Variants in RHBG observed in about 807,000 individuals in gnomAD.
The protein encoded by RHBG is Rh family B glycoprotein, also known as ammonium transporter Rh type B.
A neutral mutation model predicts 40.1 loss-of-function variants in RHBG; 39 were observed. The ratio of observed to expected loss-of-function variants is 0.97; its 90% CI spans 0.75 to 1.27. The LOEUF is 1.27. Ranked by LOEUF, RHBG falls within the 50% of genes most tolerant of loss-of-function variation. RHBG has a pLI of 0.00. For synonymous variants in RHBG, 237 were observed against 252.5 expected, an observed-to-expected ratio of 0.94 and a Z score of 0.58; for missense variants, 549 against 588.1, an observed-to-expected ratio of 0.93 and a Z score of 0.69.
chr1:156,371,964 T>C (rs1360930462), intron 1 of RHBG: 2 of 152,284 alleles, frequency 1.3e-5, no homozygotes, highest in African/African-American at 4.8e-5. Flanking sequence ...TGGATACTGT[T>C]GTGGGGGAAG....
intron 8 of RHBG, among the ~76,000 whole-genome samples, chr1:156,383,828 ATTTTTTTTTT>A (rs58771195): frequency 2.0e-5 from 2 of 101,834 alleles, no homozygotes; most frequent in Admixed American, 1.2e-4. Context: ...CGCCCGGCCT[ATTTTTTTTTT>A]TTTTTTTTTT....
chr1:156,382,333 T>C (rs1383770795), intron 7 of RHBG, 132 bp downstream of exon 7: 54 of 1,476,410 alleles, frequency 3.7e-5, no homozygotes, highest in Middle Eastern at 3.9e-4. Context: ...GCAAAGGAAA[T>C]TGGAGTTAAC....
intron 1 of RHBG, among the ~76,000 whole-genome samples, chr1:156,376,326 C>T (rs1272914017): frequency 6.6e-6 from 1 of 151,662 alleles, no homozygotes; most frequent in East Asian, 1.9e-4. Flanking sequence ...TTCCTTTTCT[C>T]TGAGGTCATC....
chr1:156,380,659 G>A (rs1030519467), intron 4 of RHBG, among the ~76,000 whole-genome samples: 8 of 145,416 alleles, frequency 5.5e-5, no homozygotes, highest in African/African-American at 2.1e-4. Flanking sequence ...CTGGGAGGCA[G>A]AGATTGCAGT....
intron 1 of RHBG, among the ~76,000 whole-genome samples, chr1:156,370,855 C>G (rs1666807190): frequency 6.6e-6 from 1 of 152,020 alleles, no homozygotes; most frequent in African/African-American, 2.4e-5. Flanking sequence ...CACCTGCCTG[C>G]TGACAAGTTT....
At position 156,369,330 on chromosome 1, in the gene RHBG, C is replaced by T. The variant is rs771115106; in HGVS notation, c.81C>T (p.Ala27=). The T allele has an allele frequency of 3.1e-6, 5 of 1,614,132 alleles. No individual in the cohort carries two copies. Among genetic ancestry groups the T allele is most frequent in the Admixed American group, 1.7e-5 (1 of 60,016 alleles). Residue 27 remains alanine (A), a synonymous_variant, in exon 1 of 10, where the codon GCC becomes GCT. Transcript: ENST00000537040. ...LLCLFLQGAT[A]VLFAVFVRYN... Reference sequence around the variant, plus strand: ...GCCTCTTCCTCCAGGGCGCCACTGCCGTCCTCTTTGCTGTCTTTGTCCGCT... The same window carrying T: ...GCCTCTTCCTCCAGGGCGCCACTGCTGTCCTCTTTGCTGTCTTTGTCCGCT...
chr1:156,382,626 G>A (rs527461607), intron 7 of RHBG, 122 bp from the exon 8 acceptor site: 49 of 1,253,298 alleles, frequency 3.9e-5, no homozygotes, highest in Middle Eastern at 5.4e-4. Flanking sequence ...ATGCACCCTC[G>A]AGACCCTCTT....
chr1:156,372,580 A>C (rs1281670715), intron 1 of RHBG, among the ~76,000 whole-genome samples: 1 of 152,222 alleles, frequency 6.6e-6, no homozygotes, highest in Non-Finnish European at 1.5e-5. Context: ...CCAGGACCAG[A>C]GTGGCTTGTG....
chr1:156,384,852 G>A lies in RHBG; in HGVS notation c.*7G>A, dbSNP rs1667939341. On this transcript the variant is annotated 3_prime_UTR_variant, in exon 10 of 10. Coordinates refer to ENST00000537040, the MANE Select transcript of RHBG (RefSeq NM_020407.5). ...GGCAGACACTCAGGCCTAACCCACT[G>A]CCAGCCCCTGAGAGGACACGCTCCT... 2 of 1,586,620 alleles carry A rather than the reference G, an allele frequency of 1.3e-6. No individual in the cohort carries two copies. Among genetic ancestry groups the A allele is most frequent in the Non-Finnish European group, 1.7e-6 (2 of 1,157,136 alleles).
At chr1:156,376,294 C>A (rs950058146) in intron 1 of RHBG, among the ~76,000 whole-genome samples, 1 of 152,090 alleles carries the variant, frequency 6.6e-6, no homozygotes, top group Non-Finnish European at 1.5e-5. Flanking sequence ...AACACAGCAG[C>A]CTTGTCTCCT....
In RHBG at chr1:156,377,900, C is replaced by A; in HGVS notation, c.375-90C>A. The A allele has an allele frequency of 3.1e-6, 4 of 1,277,122 alleles. No individual in the cohort carries two copies. The highest frequency in any genetic ancestry group is 4.3e-6 in the Non-Finnish European group (4 of 928,252). 79.1% of individuals were successfully genotyped at this position (1,277,122 alleles called of 1,614,324 possible). On this transcript the variant is annotated intron_variant, in intron 2 of 9. Coordinates refer to ENST00000537040, the MANE Select transcript of RHBG (RefSeq NM_020407.5). This position sits in a 1 kb window ranked among gnomAD's most constrained non-coding sequence, Gnocchi z 4.6. ...AACTCCAACCCCACCCCACCCACCA[C>A]ATCATGCTGTCCTGGCTTCATGCCA...
intron 8 of RHBG, among the ~76,000 whole-genome samples, chr1:156,383,826 C>CACAATAAGCATTTCCTG (rs1386780833): frequency 1.0e-5 from 1 of 95,792 alleles, no homozygotes; most frequent in Admixed American, 1.4e-4. Flanking sequence ...TGCGCCCGGC[C>CACAATAAGCATTTCCTG]TATTTTTTTT....
intron 7 of RHBG, 158 bp downstream of exon 7, chr1:156,382,359 A>G: frequency 9.6e-7 from 1 of 1,042,064 alleles, no homozygotes; most frequent in Non-Finnish European, 1.4e-6. Context: ...CAACCCAGAA[A>G]CTGCCTTCCT....
chr1:156,375,289 T>C (rs1163158709), intron 1 of RHBG, among the ~76,000 whole-genome samples: 1 of 152,004 alleles, frequency 6.6e-6, no homozygotes, highest in East Asian at 1.9e-4. Flanking sequence ...GCCAGGCTGG[T>C]CTTGAACTCT....
intron 5 of RHBG, 116 bp downstream of exon 5, chr1:156,381,629 C>A: frequency 7.1e-7 from 1 of 1,399,550 alleles, no homozygotes; most frequent in Non-Finnish European, 9.7e-7. Flanking sequence ...GGCATAGGGG[C>A]TCCATCTGTG....
chr1:156,382,781 C>A lies in RHBG; in HGVS notation c.1146C>A (p.Gly382=). The change falls in exon 8 of 10, where the codon GGC becomes GGA. Residue 382 remains glycine, a synonymous_variant. Coordinates refer to ENST00000537040, the MANE Select transcript of RHBG (RefSeq NM_020407.5). Reference sequence around the variant, plus strand: ...GTGTGTTTCCACTCATAGCCGAGGGCCAGCGCAGTGCCACGTCACAGGCCA... The same window carrying A: ...GTGTGTTTCCACTCATAGCCGAGGGACAGCGCAGTGCCACGTCACAGGCCA... ...LESVFPLIAE[G]QRSATSQAMH... 1.2e-6 allele frequency: 2 copies of A among 1,614,200 alleles called. No individual in the cohort carries two copies. Among genetic ancestry groups the A allele is most frequent in the Non-Finnish European group, 1.7e-6 (2 of 1,180,026 alleles).
intron 1 of RHBG, chr1:156,374,775 AG>A: frequency 3.6e-6 from 1 of 281,332 alleles, no homozygotes; most frequent in South Asian, 2.8e-5. Flanking sequence ...TAGTAGAGAC[AG>A]GGTTTTTCCA....
At chr1:156,372,689 G>T (rs1490469865) in intron 1 of RHBG, among the ~76,000 whole-genome samples, 1 of 152,166 alleles carries the variant, frequency 6.6e-6, no homozygotes, top group Non-Finnish European at 1.5e-5. Flanking sequence ...AGCTCCCCCT[G>T]CTTCTTCTTG....
At chr1:156,373,485 T>A (rs1206702310) in intron 1 of RHBG, among the ~76,000 whole-genome samples, 2 of 152,000 alleles carry the variant, frequency 1.3e-5, no homozygotes, top group Non-Finnish European at 2.9e-5. Context: ...TCAGACTCCA[T>A]CCCACCCGCA....
Sources: allele counts gnomAD v4.1 joint callset (sites outside exome capture counted in the v4.1 genomes callset), GRCh38; gene constraint gnomAD v4.1.1; non-coding constraint Gnocchi (gnomAD v3.1); transcripts MANE v1.5; gene names NCBI Gene and HGNC (gene_info 2026-07-23, HGNC 2026-07-21).